The following DRC8 variants were observed in gnomAD, a reference collection of about 807,000 sequenced individuals.
The protein encoded by DRC8 is dynein regulatory complex subunit 8.
At chr1:245,008,759 C>A in the DRC8 span, among the ~76,000 whole-genome samples, 6 of 151,122 alleles carry the variant, frequency 4.0e-5, no homozygotes, top group Admixed American at 4.0e-4. Context: ...ACCTTGAACT[C>A]CTGGGCTTAA....
the DRC8 span, among the ~76,000 whole-genome samples, chr1:245,053,052 C>G: frequency 1.3e-5 from 2 of 152,188 alleles, no homozygotes; most frequent in Non-Finnish European, 2.9e-5. Context: ...CCCTACTTGT[C>G]AAGACCAATA....
At chr1:244,980,040 T>TAAAAAAAAA in the DRC8 span, among the ~76,000 whole-genome samples, 42 of 34,736 alleles carry the variant, frequency 1.2e-3, 11 homozygotes, top group Admixed American at 1.4e-3. Context: ...CCGTCTCTAC[T>TAAAAAAAAA]AAAAAAAAAA....
the DRC8 span, among the ~76,000 whole-genome samples, chr1:245,064,728 G>C: frequency 3.3e-5 from 5 of 152,208 alleles, no homozygotes; most frequent in Non-Finnish European, 7.3e-5. Flanking sequence ...CAGGTCTTCA[G>C]TAAGAGTTCT....
the DRC8 span, among the ~76,000 whole-genome samples, chr1:245,005,675 A>G: frequency 1.3e-5 from 2 of 152,222 alleles, no homozygotes; most frequent in Non-Finnish European, 2.9e-5. Flanking sequence ...TACAGGTACT[A>G]TCAGAGTTAT....
chr1:245,072,025 A>G, the DRC8 span, among the ~76,000 whole-genome samples: 1 of 152,250 alleles, frequency 6.6e-6, no homozygotes, highest in African/African-American at 2.4e-5. Context: ...GCACTCTCTT[A>G]GAAAACGAAA....
At chr1:244,980,080 G>C in the DRC8 span, among the ~76,000 whole-genome samples, 2 of 89,698 alleles carry the variant, frequency 2.2e-5, no homozygotes, top group Non-Finnish European at 5.2e-5. Flanking sequence ...TTAGCTGGGC[G>C]TGGTGGCAGG....
chr1:245,052,070 C>T, the DRC8 span, among the ~76,000 whole-genome samples: 176 of 151,786 alleles, frequency 1.2e-3, no homozygotes, highest in Non-Finnish European at 2.2e-3. Context: ...GTGATAAGGA[C>T]GTTTTCTGAG....
the DRC8 span, chr1:245,083,354 G>A: frequency 8.1e-7 from 1 of 1,240,278 alleles, no homozygotes; most frequent in Non-Finnish European, 1.2e-6. Flanking sequence ...CTGGTCCCTG[G>A]TGCCAAAAGG....
the DRC8 span, among the ~76,000 whole-genome samples, chr1:244,999,628 A>T: frequency 6.6e-6 from 1 of 152,216 alleles, no homozygotes; most frequent in African/African-American, 2.4e-5. Flanking sequence ...AAAAAGACAG[A>T]CACAAATAAT....
chr1:245,106,427 CATA>C, the DRC8 span, among the ~76,000 whole-genome samples: 1 of 151,948 alleles, frequency 6.6e-6, no homozygotes, highest in South Asian at 2.1e-4. Flanking sequence ...CCATGAATTC[CATA>C]ATAATTCTGA....
the DRC8 span, among the ~76,000 whole-genome samples, chr1:244,990,388 T>C: frequency 6.6e-6 from 1 of 152,218 alleles, no homozygotes; most frequent in Non-Finnish European, 1.5e-5. Context: ...AAACATAGTA[T>C]ATATAGGGCT....
At chr1:244,970,540 G>A in the DRC8 span, 864 of 1,450,786 alleles carry the variant, frequency 6.0e-4, 3 homozygotes, top group African/African-American at 0.012. Context: ...TCGTCCATCT[G>A]GAGTTCCCAC....
chr1:245,031,362 G>A, the DRC8 span, among the ~76,000 whole-genome samples: 3 of 152,036 alleles, frequency 2.0e-5, no homozygotes, highest in Admixed American at 2.0e-4. Context: ...GCTAGACCAT[G>A]TGACCTAGTT....
chr1:245,044,373 A>T, the DRC8 span, among the ~76,000 whole-genome samples: 1 of 152,258 alleles, frequency 6.6e-6, no homozygotes, highest in South Asian at 2.1e-4. Flanking sequence ...CCATTACTAT[A>T]TGCAAAACGA....
chr1:245,025,888 C>T, the DRC8 span, among the ~76,000 whole-genome samples: 59 of 152,340 alleles, frequency 3.9e-4, no homozygotes, highest in Non-Finnish European at 6.0e-4. Flanking sequence ...AGATGTGCCT[C>T]TGCTCCTCCT....
chr1:245,042,285 GT>G, the DRC8 span, among the ~76,000 whole-genome samples: 1 of 152,196 alleles, frequency 6.6e-6, no homozygotes, highest in Admixed American at 6.5e-5. Flanking sequence ...GAGATCCAGA[GT>G]TTTTTAGGGG....
the DRC8 span, among the ~76,000 whole-genome samples, chr1:245,051,387 C>T: frequency 7.2e-5 from 11 of 152,086 alleles, no homozygotes; most frequent in Non-Finnish European, 1.3e-4. Context: ...GACCCCATCT[C>T]CTCAATCCCC....
chr1:245,027,961 G>A, the DRC8 span, among the ~76,000 whole-genome samples: 4 of 151,324 alleles, frequency 2.6e-5, no homozygotes, highest in East Asian at 5.8e-4. Flanking sequence ...GTGCCATCAC[G>A]GCTAACTGCA....
the DRC8 span, among the ~76,000 whole-genome samples, chr1:244,997,787 C>T: frequency 9.9e-5 from 15 of 152,128 alleles, no homozygotes; most frequent in African/African-American, 1.7e-4. Context: ...TCAGGTGATC[C>T]GCCCACCTCG....
Sources: gnomAD v4.1 joint callset for allele counts (sites outside exome capture counted in the v4.1 genomes callset) on GRCh38, gnomAD v4.1.1 for gene constraint, MANE v1.5 for transcripts, NCBI Gene and HGNC (gene_info 2026-07-23, HGNC 2026-07-21) for gene names.